The following VPS8 variants were observed in gnomAD, a reference collection of about 807,000 sequenced individuals.
VPS8 encodes the protein VPS8 subunit of CORVET complex.
Under a neutral mutation model 216.4 loss-of-function variants are expected in VPS8, and 129 were observed. The ratio of observed to expected loss-of-function variants is 0.60; its 90% CI spans 0.52 to 0.69. The LOEUF is 0.69. VPS8 is among the 30% of genes least tolerant of loss of function. The pLI is 0.00. For missense variants in VPS8, 1,531 were observed against 1,683.5 expected (o/e 0.91, Z 1.59); for synonymous variants, 571 against 565.4 (o/e 1.01, Z -0.14).
At chr3:184,953,275 A>G (rs1745027818) in intron 36 of VPS8, among the ~76,000 whole-genome samples, 1 of 152,232 alleles carries the variant, frequency 6.6e-6, no homozygotes, top group Non-Finnish European at 1.5e-5. Flanking sequence ...GCAGGGGAAC[A>G]TTTCAGGAAA....
intron 21 of VPS8, among the ~76,000 whole-genome samples, chr3:184,884,645 C>T (rs940771154): frequency 6.6e-6 from 1 of 151,904 alleles, no homozygotes; most frequent in Non-Finnish European, 1.5e-5. Context: ...AATTTCCTTT[C>T]ATTGAGGATG....
In VPS8 at chr3:184,838,766, T is replaced by C. The variant is rs753750770; in HGVS notation, c.480+20T>C. The stretch of plus-strand genomic sequence containing the variant: ...GCAATTGTAAGTATACTTTAACTTT[T>C]TAAAGGTAAGTTTTCTATTTGATTG... On this transcript the variant is annotated intron_variant, in intron 6 of 47. Transcript: ENST00000625842. The C allele has an allele frequency of 6.5e-7, 1 of 1,535,440 alleles. No individual in the cohort carries two copies. The highest frequency in any genetic ancestry group is 8.8e-7 in the Non-Finnish European group (1 of 1,138,306).
At chr3:184,825,520 A>T (rs1207524774) in intron 2 of VPS8, among the ~76,000 whole-genome samples, 2 of 152,206 alleles carry the variant, frequency 1.3e-5, no homozygotes. Flanking sequence ...CTTATGACTT[A>T]TGTCTAAACT....
intron 45 of VPS8, among the ~76,000 whole-genome samples, chr3:185,002,455 T>G (rs1753547912): frequency 6.6e-6 from 1 of 152,220 alleles, no homozygotes; most frequent in African/African-American, 2.4e-5. Flanking sequence ...ATTTTTAAAT[T>G]TTTTATTTCC....
intron 35 of VPS8, among the ~76,000 whole-genome samples, chr3:184,937,952 C>T (rs1317959529): frequency 2.6e-5 from 4 of 152,130 alleles, no homozygotes; most frequent in African/African-American, 7.2e-5. Context: ...CTTCTGTGTA[C>T]TGAGAATTAT....
chr3:185,050,731 G>A (rs750747181), intron 47 of VPS8, among the ~76,000 whole-genome samples: 3 of 152,258 alleles, frequency 2.0e-5, no homozygotes, highest in South Asian at 2.1e-4. Flanking sequence ...ACATCCCCTC[G>A]GACTCCTGGA....
At chr3:184,858,367 C>T (rs529827762) in intron 14 of VPS8, among the ~76,000 whole-genome samples, 5 of 152,290 alleles carry the variant, frequency 3.3e-5, no homozygotes, top group African/African-American at 7.2e-5. Flanking sequence ...TATTTCTCAA[C>T]ATCAGCTTCA....
chr3:184,869,377 T>G (rs1316330516), intron 19 of VPS8, 105 bp from the exon 20 acceptor site: 3 of 1,176,192 alleles, frequency 2.6e-6, no homozygotes, highest in Middle Eastern at 2.0e-4. Context: ...ATTGTTACAA[T>G]TATACCTGTT....
In VPS8 at chr3:185,014,281, T is replaced by G. The variant is rs140953415; in HGVS notation, c.4003-10055T>G. Among the ~76,000 whole-genome samples the G allele has an allele frequency of 4.6e-3, 695 of 152,282 alleles. 3 individuals carry two copies. The highest frequency in any genetic ancestry group is 0.015 in the African/African-American group (641 of 41,554). ...CTGTGACAGCTTCTTGATCTGTCCCTAAGTAGGTGGCTGTGTTCGACGGGT... is the reference window on the plus strand; with the variant it reads ...CTGTGACAGCTTCTTGATCTGTCCCGAAGTAGGTGGCTGTGTTCGACGGGT... On this transcript the variant is annotated intron_variant, in intron 45 of 47. Coordinates refer to ENST00000625842, the MANE Select transcript of VPS8 (RefSeq NM_001009921.3).
intron 42 of VPS8, among the ~76,000 whole-genome samples, chr3:184,984,237 T>G (rs1318807768): frequency 1.4e-5 from 2 of 147,314 alleles, no homozygotes; most frequent in Non-Finnish European, 3.0e-5. Context: ...GCTTTTCTGA[T>G]AAAGATGACT....
chr3:184,932,346 C>G (rs1200666941), intron 34 of VPS8, among the ~76,000 whole-genome samples: 1 of 152,028 alleles, frequency 6.6e-6, no homozygotes, highest in Non-Finnish European at 1.5e-5. Flanking sequence ...ATACAGATCC[C>G]TGAAAGTCTT....
intron 45 of VPS8, among the ~76,000 whole-genome samples, chr3:185,020,231 G>A (rs896604464): frequency 6.6e-6 from 1 of 152,150 alleles, no homozygotes; most frequent in Non-Finnish European, 1.5e-5. Context: ...GTATGTCTAG[G>A]CAGTGAATGA....
At chr3:184,849,908 G>GT (rs1403084373) in intron 9 of VPS8, 28 bp from the exon 10 acceptor site, 2 of 1,581,498 alleles carry the variant, frequency 1.3e-6, no homozygotes, top group Non-Finnish European at 1.7e-6. Context: ...CAATAAATTT[G>GT]TTTTTGAAGC....
At chr3:184,848,624 G>A (rs1035567385) in intron 8 of VPS8, among the ~76,000 whole-genome samples, 2 of 144,838 alleles carry the variant, frequency 1.4e-5, no homozygotes, top group African/African-American at 2.6e-5. Flanking sequence ...GCTGGAGTGC[G>A]GTAGTGTGAT....
intron 19 of VPS8, 33 bp from the exon 20 acceptor site, chr3:184,869,449 T>C: frequency 6.2e-7 from 1 of 1,611,508 alleles, no homozygotes; most frequent in Non-Finnish European, 8.5e-7. Flanking sequence ...TGGACTAACT[T>C]TTGTTTTTTT....
In VPS8 at chr3:184,914,875, A is replaced by C. The variant is rs979502994; in HGVS notation, c.2190-106A>C. 5 of 1,110,166 alleles carry C rather than the reference A, an allele frequency of 4.5e-6. No individual in the cohort carries two copies. In the African/African-American group the frequency reaches 7.7e-5, roughly 17 times the overall value. The allele number at this position is 1,110,166 out of a possible 1,614,324, so 68.8% of individuals were successfully genotyped here. ...GACCTAACTGACAAAAGCTGAGCCTACTTACAAATTGAACTAGTATCTCAA... is the reference window on the plus strand; with the variant it reads ...GACCTAACTGACAAAAGCTGAGCCTCCTTACAAATTGAACTAGTATCTCAA... On this transcript the variant is annotated intron_variant, in intron 26 of 47. Transcript: ENST00000625842.
chr3:184,878,629 A>G (rs1729712539), intron 21 of VPS8, among the ~76,000 whole-genome samples: 1 of 152,158 alleles, frequency 6.6e-6, no homozygotes, highest in African/African-American at 2.4e-5. Flanking sequence ...ACCTCCTCTG[A>G]GAAGATTTGA....
chr3:184,914,677 C>T (rs1737198711), intron 26 of VPS8, among the ~76,000 whole-genome samples: 1 of 152,150 alleles, frequency 6.6e-6, no homozygotes, highest in African/African-American at 2.4e-5. Flanking sequence ...GGTATGAGGC[C>T]TTTAGAAGTC....
intron 46 of VPS8, among the ~76,000 whole-genome samples, chr3:185,039,079 G>C (rs1156750624): frequency 6.6e-6 from 1 of 152,214 alleles, no homozygotes; most frequent in Non-Finnish European, 1.5e-5. Flanking sequence ...GGGATAAAGA[G>C]AGCCTGCTGT....
Sources: allele counts gnomAD v4.1 joint callset (sites outside exome capture counted in the v4.1 genomes callset), GRCh38; gene constraint gnomAD v4.1.1; transcripts MANE v1.5; gene names NCBI Gene and HGNC (gene_info 2026-07-23, HGNC 2026-07-21).